The following ST8SIA6 variants were observed in gnomAD, a reference collection of about 807,000 sequenced individuals.
The protein encoded by ST8SIA6 is ST8 alpha-N-acetyl-neuraminide alpha-2,8-sialyltransferase 6.
In ST8SIA6, 39 loss-of-function variants were observed where a neutral mutation model predicts 33.6. The ratio of observed to expected loss-of-function variants is 1.16; its 90% CI spans 0.90 to 1.52. ST8SIA6 has a LOEUF of 1.52. Among genes scored for constraint, ST8SIA6 ranks in the 40% most tolerant of loss-of-function variants. The pLI, the probability that ST8SIA6 is intolerant of heterozygous loss-of-function variation, is 0.00. For synonymous variants in ST8SIA6, 172 were observed against 167.2 expected, an observed-to-expected ratio of 1.03 and a Z score of -0.22; for missense variants, 441 against 443.8, an observed-to-expected ratio of 0.99 and a Z score of 0.06.
At chr10:17,410,115 A>T (rs1247730451) in intron 2 of ST8SIA6, 3 of 152,188 alleles carry the variant, frequency 2.0e-5, no homozygotes, top group Admixed American at 6.5e-5. Flanking sequence ...AAAACTGGAG[A>T]GTGTTTGTGT....
At chr10:17,345,975 T>C (rs1848819744) in intron 4 of ST8SIA6, among the ~76,000 whole-genome samples, 1 of 152,154 alleles carries the variant, frequency 6.6e-6, no homozygotes, top group African/African-American at 2.4e-5. Flanking sequence ...CTTGAACCAG[T>C]AGAATGTGGC....
intron 3 of ST8SIA6, among the ~76,000 whole-genome samples, chr10:17,375,038 G>A (rs1849864780): frequency 6.6e-6 from 1 of 150,764 alleles, no homozygotes; most frequent in East Asian, 2.0e-4. Flanking sequence ...CTGGCCTCAA[G>A]CGATCCTCCA....
intron 4 of ST8SIA6, among the ~76,000 whole-genome samples, chr10:17,354,730 T>C (rs946593467): frequency 1.3e-5 from 2 of 152,160 alleles, no homozygotes; most frequent in African/African-American, 4.8e-5. Flanking sequence ...GGATAGGCAA[T>C]TGAATCCCAG....
At chr10:17,439,300 G>A (rs576144739) in intron 2 of ST8SIA6, among the ~76,000 whole-genome samples, 5 of 145,154 alleles carry the variant, frequency 3.4e-5, no homozygotes, top group African/African-American at 1.0e-4. Flanking sequence ...TGGAGTTGGG[G>A]ATGGAGCCTC....
intron 2 of ST8SIA6, among the ~76,000 whole-genome samples, chr10:17,430,172 T>G (rs1452027961): frequency 6.6e-6 from 1 of 152,230 alleles, no homozygotes; most frequent in Non-Finnish European, 1.5e-5. Flanking sequence ...TACTCCTGTG[T>G]TACTTCATTA....
At chr10:17,382,134 A>G (rs999540203) in intron 3 of ST8SIA6, among the ~76,000 whole-genome samples, 5 of 152,240 alleles carry the variant, frequency 3.3e-5, no homozygotes, top group Non-Finnish European at 7.3e-5. Flanking sequence ...AATTACGTAA[A>G]TGTAATGGGA....
At chr10:17,428,048 A>G (rs1313934473) in intron 2 of ST8SIA6, among the ~76,000 whole-genome samples, 1 of 152,206 alleles carries the variant, frequency 6.6e-6, no homozygotes, top group Non-Finnish European at 1.5e-5. Context: ...GCATTTTGAG[A>G]CATTGTTTTG....
intron 4 of ST8SIA6, among the ~76,000 whole-genome samples, chr10:17,352,671 T>G (rs1427770074): frequency 6.6e-6 from 1 of 152,136 alleles, no homozygotes; most frequent in African/African-American, 2.4e-5. Flanking sequence ...CCACGTGAGT[T>G]CCATATACTT....
intron 2 of ST8SIA6, among the ~76,000 whole-genome samples, chr10:17,406,791 CTT>C (rs1281929219): frequency 0.035 from 4,026 of 114,390 alleles, 51 homozygotes; most frequent in South Asian, 0.054. Context: ...GAGGGCTAAT[CTT>C]TTTTTTTTTT....
At chr10:17,392,835 C>T (rs1291146207) in intron 2 of ST8SIA6, among the ~76,000 whole-genome samples, 1 of 152,156 alleles carries the variant, frequency 6.6e-6, no homozygotes, top group Non-Finnish European at 1.5e-5. Flanking sequence ...TCTGGAGGCC[C>T]GTCTAGGGCA....
At chr10:17,444,384 G>C (rs1023553304) in intron 2 of ST8SIA6, among the ~76,000 whole-genome samples, 3 of 152,200 alleles carry the variant, frequency 2.0e-5, no homozygotes, top group Non-Finnish European at 4.4e-5. Context: ...TGTCAAGTAA[G>C]TAGTAGAGTT....
At position 17,360,904 on chromosome 10, in the gene ST8SIA6, G is replaced by C. The variant is rs1410741554; in HGVS notation, c.291-1304C>G. On this transcript the variant is annotated intron_variant, in intron 3 of 7. Transcript: ENST00000377602. ...GGAGAAGAAAGAAGATGACGAAGAA[G>C]AAGAAGAGGAAGAAGGGAAGAAGAA... is the stretch of plus-strand genomic sequence containing the variant. 2.7e-5 allele frequency among the ~76,000 whole-genome samples: 4 copies of C among 149,284 alleles called. No homozygotes were observed. In the Admixed American group the frequency reaches 2.7e-4, roughly 10 times the overall value.
At chr10:17,400,302 G>T (rs1362809128) in intron 2 of ST8SIA6, among the ~76,000 whole-genome samples, 1 of 152,166 alleles carries the variant, frequency 6.6e-6, no homozygotes, top group African/African-American at 2.4e-5. Flanking sequence ...GGAGGCCGAG[G>T]TTGGTGGATC....
chr10:17,360,585 A>G lies in ST8SIA6; in HGVS notation c.291-985T>C, dbSNP rs189604694. 7.7e-3 allele frequency among the ~76,000 whole-genome samples: 1,102 copies of G among 142,472 alleles called. 4 individuals are homozygous for G. The highest frequency in any genetic ancestry group is 0.014 in the Non-Finnish European group (885 of 64,970). 93.5% of individuals were successfully genotyped at this position (142,472 alleles called of 152,430 possible). A position where few individuals can be genotyped will look rare whatever the true frequency, so the allele number is the denominator to read the frequency against. ...ATGAACTATAGAACAAAGGCCAGAA[A>G]GAGGTGGGGGTGGGAAAGTGGAAAT... On this transcript the variant is annotated intron_variant, in intron 3 of 7. Coordinates refer to ENST00000377602, the MANE Select transcript of ST8SIA6 (RefSeq NM_001004470.3).
rs183150228 is a variant in ST8SIA6 at position 17,404,587 on chromosome 10, G to C, written c.201-13967C>G. Among the ~76,000 whole-genome samples, 655 of 152,228 alleles carry C rather than the reference G, an allele frequency of 4.3e-3. 8 individuals are homozygous for C. The highest frequency in any genetic ancestry group is 6.8e-3 in the Non-Finnish European group (465 of 68,016). ...TAATATCTGACCATCTTTGATTTCT[G>C]ATAAAATTCTTCATCCCTCACCATG... On this transcript the variant is annotated intron_variant, in intron 2 of 7. Coordinates refer to ENST00000377602, the MANE Select transcript of ST8SIA6 (RefSeq NM_001004470.3).
chr10:17,359,464 A>T lies in ST8SIA6; in HGVS notation c.377+50T>A, dbSNP rs377518325. On this transcript the variant is annotated intron_variant, in intron 4 of 7. Transcript: ENST00000377602. ...CATATTGCCTATTTTTCTACAAAGC[A>T]AATGAACAAGACATTTTTAAAATCT... is the stretch of plus-strand genomic sequence containing the variant. The T allele has an allele frequency of 2.8e-6, 4 of 1,418,510 alleles. No homozygotes were observed. The African/African-American group carries it at 5.8e-5, about 21-fold the overall frequency. The allele number at this position is 1,418,510 out of a possible 1,614,324, so 87.9% of individuals were successfully genotyped here.
intron 4 of ST8SIA6, among the ~76,000 whole-genome samples, chr10:17,352,664 C>T (rs557952684): frequency 1.2e-4 from 18 of 152,232 alleles, no homozygotes; most frequent in Non-Finnish European, 8.8e-5. Flanking sequence ...GTGAACCCCA[C>T]GTGAGTTCCA....
intron 4 of ST8SIA6, among the ~76,000 whole-genome samples, chr10:17,333,703 ATATATATATATATATTTTT>A (rs1848391862): frequency 4.1e-5 from 1 of 24,384 alleles, no homozygotes; most frequent in Non-Finnish European, 6.7e-5. Context: ...ATATATATAT[ATATATATATATATATTTTT>A]TTTTTTTTTT....
At chr10:17,444,386 A>G (rs970598601) in intron 2 of ST8SIA6, among the ~76,000 whole-genome samples, 3 of 152,234 alleles carry the variant, frequency 2.0e-5, no homozygotes, top group Non-Finnish European at 4.4e-5. Flanking sequence ...TCAAGTAAGT[A>G]GTAGAGTTAT....
Sources: allele counts gnomAD v4.1 joint callset (sites outside exome capture counted in the v4.1 genomes callset), GRCh38; gene constraint gnomAD v4.1.1; transcripts MANE v1.5; gene names NCBI Gene and HGNC (gene_info 2026-07-23, HGNC 2026-07-21).